DDX10: variants seen among roughly 807,000 people sequenced by gnomAD.
DDX10 encodes the protein probable ATP-dependent RNA helicase DDX10.
DDX10 carries 74 observed loss-of-function variants against 104.3 expected under a neutral mutation model. The ratio of observed to expected loss-of-function variants is 0.71; its 90% CI spans 0.59 to 0.86. The LOEUF (loss-of-function observed/expected upper bound fraction) is 0.86. Ranked by LOEUF, DDX10 falls within the 40% of genes least tolerant of loss-of-function variation. The probability of loss-of-function intolerance (pLI) is 0.00; values close to 1 mark genes in which losing one functional copy is unlikely to be tolerated. For missense variants in DDX10, 952 were observed against 1,040.0 expected (o/e 0.92, Z 1.16); for synonymous variants, 351 against 353.4 (o/e 0.99, Z 0.08).
chr11:108,919,467 G>A (rs1299462912), intron 17 of DDX10: 1 of 152,158 alleles, frequency 6.6e-6, no homozygotes, highest in Admixed American at 6.5e-5. Context: ...ACCCCAGTGG[G>A]GTCAGGTTTG....
At chr11:108,919,209 G>A (rs1412261714) in intron 17 of DDX10, 1 of 152,172 alleles carries the variant, frequency 6.6e-6, no homozygotes, top group African/African-American at 2.4e-5. Flanking sequence ...TGGACAACTA[G>A]GTGGTTGAAC....
At chr11:108,817,601 G>C (rs1862272783) in intron 13 of DDX10, among the ~76,000 whole-genome samples, 1 of 152,164 alleles carries the variant, frequency 6.6e-6, no homozygotes, top group Admixed American at 6.5e-5. Context: ...AAACTCTACT[G>C]TACCCCAGGT....
intron 17 of DDX10, among the ~76,000 whole-genome samples, chr11:108,922,565 C>G (rs1863849133): frequency 6.6e-6 from 1 of 152,224 alleles, no homozygotes; most frequent in Non-Finnish European, 1.5e-5. Flanking sequence ...ATAGTTCCCC[C>G]TCAGGGAGGG....
At chr11:108,753,642 C>T (rs1057480482) in intron 13 of DDX10, among the ~76,000 whole-genome samples, 7 of 151,952 alleles carry the variant, frequency 4.6e-5, no homozygotes, top group Non-Finnish European at 7.4e-5. Context: ...TAAGCATTTA[C>T]GACATACAGT....
At chr11:108,698,802 G>A (rs1217039091) in intron 9 of DDX10, among the ~76,000 whole-genome samples, 2 of 152,142 alleles carry the variant, frequency 1.3e-5, no homozygotes, top group Non-Finnish European at 1.5e-5. Flanking sequence ...CTATTCATCC[G>A]TTTCCCCCCA....
intron 17 of DDX10, chr11:108,919,396 A>C (rs759319367): frequency 3.5e-4 from 53 of 152,346 alleles, no homozygotes; most frequent in Admixed American, 1.2e-3. Flanking sequence ...TTAAAAATTG[A>C]CCTCTAAGAG....
At position 108,875,866 on chromosome 11, in the gene DDX10, G is replaced by A. The variant is rs368533460; in HGVS notation, c.2304+23657G>A. On this transcript the variant is annotated intron_variant, in intron 16 of 17. Transcript: ENST00000322536. Reference sequence around the variant, plus strand: ...GAAAGGCCAAATAATGAAACTCCGGGAAGTATCTGTGGGTTTCACTGTTTT... The same window carrying A: ...GAAAGGCCAAATAATGAAACTCCGGAAAGTATCTGTGGGTTTCACTGTTTT... Among the ~76,000 whole-genome samples the A allele has an allele frequency of 7.9e-5, 12 of 152,216 alleles. No individual in the cohort carries two copies. In the East Asian group the frequency reaches 1.4e-3, roughly 17 times the overall value.
intron 13 of DDX10, among the ~76,000 whole-genome samples, chr11:108,788,767 G>A (rs1861830679): frequency 6.6e-6 from 1 of 152,216 alleles, no homozygotes; most frequent in South Asian, 2.1e-4. Flanking sequence ...CAGAATGTTG[G>A]TCAGCAGATA....
At chr11:108,839,786 A>G (rs1157418714) in intron 14 of DDX10, among the ~76,000 whole-genome samples, 1 of 152,200 alleles carries the variant, frequency 6.6e-6, no homozygotes, top group Non-Finnish European at 1.5e-5. Context: ...GAAGTTACGA[A>G]AAAGAGGTCA....
At chr11:108,856,858 C>A (rs1004392667) in intron 16 of DDX10, among the ~76,000 whole-genome samples, 4 of 150,938 alleles carry the variant, frequency 2.7e-5, no homozygotes, top group African/African-American at 9.8e-5. Flanking sequence ...CTCCACCCCC[C>A]ACCACCCCCG....
At position 108,693,450 on chromosome 11, in the gene DDX10, G is replaced by A. The variant is rs2134451671; in HGVS notation, c.1139-66G>A. On this transcript the variant is annotated intron_variant, in intron 8 of 17. Coordinates refer to ENST00000322536, the MANE Select transcript of DDX10 (RefSeq NM_004398.4). ...AAAGTCCTGGCAAGCAATATTTTAA[G>A]ATAAAAATAGTGCAGCAGGGCAGAT... The A allele has an allele frequency of 1.4e-5, 16 of 1,121,042 alleles. No homozygotes were observed. In the South Asian group the frequency reaches 2.0e-4, roughly 14 times the overall value. 69.4% of individuals were successfully genotyped at this position (1,121,042 alleles called of 1,614,324 possible). A position where few individuals can be genotyped will look rare whatever the true frequency, so the allele number is the denominator to read the frequency against.
chr11:108,751,277 A>C (rs574816594), intron 13 of DDX10, among the ~76,000 whole-genome samples: 1 of 152,262 alleles, frequency 6.6e-6, no homozygotes, highest in East Asian at 1.9e-4. Flanking sequence ...CTTTAACATA[A>C]AAAATTCAGG....
intron 13 of DDX10, among the ~76,000 whole-genome samples, chr11:108,783,454 G>A (rs1861738499): frequency 6.6e-6 from 1 of 152,152 alleles, no homozygotes; most frequent in Non-Finnish European, 1.5e-5. Context: ...GTAAAAGGCA[G>A]GAAGGTGGAT....
intron 8 of DDX10, among the ~76,000 whole-genome samples, chr11:108,692,509 G>A (rs910115548): frequency 1.3e-5 from 2 of 152,140 alleles, no homozygotes; most frequent in African/African-American, 4.8e-5. Context: ...TGTGGGAATG[G>A]GACGGGGATG....
At chr11:108,775,947 T>C (rs1188279479) in intron 13 of DDX10, among the ~76,000 whole-genome samples, 1 of 152,232 alleles carries the variant, frequency 6.6e-6, no homozygotes, top group African/African-American at 2.4e-5. Flanking sequence ...CAACACAGTG[T>C]TTAAAAAATT....
Position 108,873,951 on chromosome 11 carries a change from T to C in DDX10, c.2304+21742T>C, listed in dbSNP as rs1222008105. ...CATGAACTTGTTTCATTCAAATAAT[T>C]GCAAAGAGTCTATTTCTGTTAGGTG... On this transcript the variant is annotated intron_variant, in intron 16 of 17. Coordinates refer to ENST00000322536, the MANE Select transcript of DDX10 (RefSeq NM_004398.4). Among the ~76,000 whole-genome samples, 5 of 152,314 alleles carry C rather than the reference T, an allele frequency of 3.3e-5. No homozygotes were observed. The South Asian group carries it at 6.2e-4, about 19-fold the overall frequency.
At chr11:108,733,831 A>AT (rs549823946) in intron 13 of DDX10, among the ~76,000 whole-genome samples, 34 of 151,120 alleles carry the variant, frequency 2.2e-4, no homozygotes, top group South Asian at 1.5e-3. Flanking sequence ...TCAAATTAGT[A>AT]TTTTTTTTCA....
intron 13 of DDX10, among the ~76,000 whole-genome samples, chr11:108,833,832 T>C (rs1862509039): frequency 6.6e-6 from 1 of 152,214 alleles, no homozygotes; most frequent in African/African-American, 2.4e-5. Context: ...TAGACTGGGC[T>C]ATTGTGTTTT....
intron 16 of DDX10, among the ~76,000 whole-genome samples, chr11:108,915,221 T>TA (rs1863731506): frequency 6.6e-6 from 1 of 152,184 alleles, no homozygotes; most frequent in Admixed American, 6.5e-5. Flanking sequence ...GGTCAACTGT[T>TA]ATGATAAACA....
Sources: allele counts gnomAD v4.1 joint callset (sites outside exome capture counted in the v4.1 genomes callset), GRCh38; gene constraint gnomAD v4.1.1; transcripts MANE v1.5; gene names NCBI Gene and HGNC (gene_info 2026-07-23, HGNC 2026-07-21).